CCSER1: variants seen among roughly 807,000 people sequenced by gnomAD.
CCSER1 encodes serine-rich coiled-coil domain-containing protein 1.
A neutral mutation model predicts 82.0 loss-of-function variants in CCSER1; 41 were observed. The observed-to-expected ratio is 0.50, with a 90% CI of 0.39 to 0.65. The LOEUF (loss-of-function observed/expected upper bound fraction) is 0.65, where lower values mean the gene tolerates loss of function less well. Ranked by LOEUF, CCSER1 falls within the 30% of genes least tolerant of loss-of-function variation. The pLI, the probability that CCSER1 is intolerant of heterozygous loss-of-function variation, is 0.00. For missense variants in CCSER1, 1,119 were observed against 1,064.2 expected (o/e 1.05, Z -0.72); for synonymous variants, 414 against 383.9 (o/e 1.08, Z -0.92).
intron 10 of CCSER1, among the ~76,000 whole-genome samples, chr4:91,256,145 G>A (rs1740661443): frequency 1.3e-5 from 2 of 152,026 alleles, no homozygotes; most frequent in Non-Finnish European, 2.9e-5. Context: ...GTTGGGTGGG[G>A]GGGCCCTCTA....
intron 10 of CCSER1, among the ~76,000 whole-genome samples, chr4:91,504,482 A>T (rs534235778): frequency 2.6e-5 from 4 of 152,294 alleles, no homozygotes; most frequent in African/African-American, 9.6e-5. Context: ...CTTAATTGTT[A>T]TGCTGGCCTT....
At chr4:90,607,995 ATATT>A (rs1360591042) in intron 5 of CCSER1, among the ~76,000 whole-genome samples, 4 of 152,200 alleles carry the variant, frequency 2.6e-5, no homozygotes, top group South Asian at 2.1e-4. Flanking sequence ...CTCCACAACT[ATATT>A]TAGTAATGTT....
intron 1 of CCSER1, among the ~76,000 whole-genome samples, chr4:90,264,387 A>G (rs1411530938): frequency 6.6e-6 from 1 of 152,182 alleles, no homozygotes; most frequent in Non-Finnish European, 1.5e-5. Context: ...TTAACATGAT[A>G]TCTATCGAGT....
At position 91,580,718 on chromosome 4, in the gene CCSER1, T is replaced by A. The variant is rs148349774; in HGVS notation, c.2218-17854T>A. Among the ~76,000 whole-genome samples, 866 of 149,980 alleles carry A rather than the reference T, an allele frequency of 5.8e-3. 10 individuals are homozygous for A. Among genetic ancestry groups the A allele is most frequent in the African/African-American group, 0.02 (804 of 41,002 alleles). On this transcript the variant is annotated intron_variant, in intron 10 of 10. Coordinates refer to ENST00000509176, the MANE Select transcript of CCSER1 (RefSeq NM_001145065.2). ...AGACCCTCATTTAGGGGACTTGGGGTCTGGGAAATCTGCAACTCTGGTAGA... is the reference window on the plus strand; with the variant it reads ...AGACCCTCATTTAGGGGACTTGGGGACTGGGAAATCTGCAACTCTGGTAGA...
chr4:91,507,159 A>G (rs143033050), intron 10 of CCSER1, among the ~76,000 whole-genome samples: 1 of 152,196 alleles, frequency 6.6e-6, no homozygotes, highest in East Asian at 1.9e-4. Flanking sequence ...GTAGAAATCC[A>G]TGATCACATG....
chr4:91,293,425 G>C (rs753755122), intron 10 of CCSER1, among the ~76,000 whole-genome samples: 1 of 151,906 alleles, frequency 6.6e-6, no homozygotes, highest in Non-Finnish European at 1.5e-5. Context: ...CTTCTATTAA[G>C]AGTCTTTTTC....
chr4:91,481,445 G>T (rs535043972), intron 10 of CCSER1, among the ~76,000 whole-genome samples: 1 of 152,114 alleles, frequency 6.6e-6, no homozygotes, highest in East Asian at 1.9e-4. Context: ...ACACAAATCA[G>T]GTTGGTTGAG....
At chr4:90,500,134 C>T (rs1417636100) in intron 5 of CCSER1, among the ~76,000 whole-genome samples, 1 of 151,912 alleles carries the variant, frequency 6.6e-6, no homozygotes, top group Non-Finnish European at 1.5e-5. Context: ...TTCTTTTTCC[C>T]TTTTTTTCAT....
intron 6 of CCSER1, among the ~76,000 whole-genome samples, chr4:90,675,130 A>T (rs1417923380): frequency 6.6e-6 from 1 of 151,996 alleles, no homozygotes; most frequent in Non-Finnish European, 1.5e-5. Flanking sequence ...ATGAATAGTG[A>T]TTATTAATAG....
intron 10 of CCSER1, among the ~76,000 whole-genome samples, chr4:91,113,850 A>ATTTTTTTTTT: frequency 6.8e-6 from 1 of 146,070 alleles, no homozygotes; most frequent in Non-Finnish European, 1.5e-5. Context: ...TGATATCTAC[A>ATTTTTTTTTT]TTTTTTTTTT....
At chr4:91,084,275 G>C (rs928963137) in intron 9 of CCSER1, among the ~76,000 whole-genome samples, 4 of 152,090 alleles carry the variant, frequency 2.6e-5, no homozygotes, top group African/African-American at 9.7e-5. Flanking sequence ...GTGTAATAAT[G>C]ATAAAAATGA....
chr4:91,145,265 C>A (rs527999273), intron 10 of CCSER1, among the ~76,000 whole-genome samples: 8 of 152,228 alleles, frequency 5.3e-5, no homozygotes, highest in Middle Eastern at 6.8e-3. Context: ...TTATCTAATA[C>A]ATGAATAGTG....
rs77944032 is a variant in CCSER1 at position 90,329,801 on chromosome 4, C to T, written c.1509+16754C>T. ...GATTATTAAACTGGGAAAAAAGCAT[C>T]TGCTCAGAAGACAGGTGTCTTGGCT... On this transcript the variant is annotated intron_variant, in intron 3 of 10. Coordinates refer to ENST00000509176, the MANE Select transcript of CCSER1 (RefSeq NM_001145065.2). 6.3e-3 allele frequency among the ~76,000 whole-genome samples: 952 copies of T among 152,250 alleles called. 14 individuals carry two copies. Among genetic ancestry groups the T allele is most frequent in the African/African-American group, 0.022 (903 of 41,572 alleles).
chr4:90,507,523 A>AAT (rs948409909), intron 5 of CCSER1, among the ~76,000 whole-genome samples: 27 of 151,954 alleles, frequency 1.8e-4, no homozygotes, highest in South Asian at 6.2e-4. Flanking sequence ...TAGAGATAGA[A>AAT]ATATATATAT....
intron 7 of CCSER1, among the ~76,000 whole-genome samples, chr4:90,813,433 G>A (rs1422979332): frequency 6.6e-6 from 1 of 152,206 alleles, no homozygotes; most frequent in Admixed American, 6.5e-5. Flanking sequence ...TCACAGCCTG[G>A]TGGTGAGTGC....
intron 10 of CCSER1, among the ~76,000 whole-genome samples, chr4:91,517,933 T>A (rs1760236004): frequency 6.6e-6 from 1 of 152,154 alleles, no homozygotes; most frequent in Non-Finnish European, 1.5e-5. Context: ...ATTTTTGATG[T>A]TGAAGTTTGG....
chr4:90,129,731 C>T (rs1020686312), intron 1 of CCSER1, among the ~76,000 whole-genome samples: 2 of 152,136 alleles, frequency 1.3e-5, no homozygotes, highest in Non-Finnish European at 2.9e-5. Flanking sequence ...CTAAACAGTC[C>T]TGTTCTTTGA....
chr4:90,891,767 A>C (rs1723002041), intron 8 of CCSER1, among the ~76,000 whole-genome samples: 1 of 152,050 alleles, frequency 6.6e-6, no homozygotes, highest in South Asian at 2.1e-4. Flanking sequence ...TATGTGAAAA[A>C]AGTGTAAGGT....
At chr4:91,070,041 G>T (rs1444642474) in intron 9 of CCSER1, among the ~76,000 whole-genome samples, 3 of 150,602 alleles carry the variant, frequency 2.0e-5, no homozygotes, top group Non-Finnish European at 4.4e-5. Flanking sequence ...CTGGAGTGCA[G>T]TGGTGCCATC....
Sources: allele counts gnomAD v4.1 joint callset (sites outside exome capture counted in the v4.1 genomes callset), GRCh38; gene constraint gnomAD v4.1.1; transcripts MANE v1.5; gene names NCBI Gene and HGNC (gene_info 2026-07-23, HGNC 2026-07-21).